Variants in TLCD4 observed in about 807,000 individuals in gnomAD.
TLCD4 encodes the protein TLC domain-containing protein 4.
TLCD4 carries 7 observed loss-of-function variants against 24.2 expected under a neutral mutation model. That is an observed-to-expected ratio of 0.29 (90% CI 0.16 to 0.54). TLCD4 has a LOEUF of 0.54. TLCD4 is among the 20% of genes least tolerant of loss of function. The pLI is 0.95. For missense variants in TLCD4, 259 were observed against 313.9 expected, an observed-to-expected ratio of 0.82 and a Z score of 1.32; for synonymous variants, 103 against 106.4, an observed-to-expected ratio of 0.97 and a Z score of 0.20.
chr1:95,103,626 T>C, the TLCD4 span, among the ~76,000 whole-genome samples: 1 of 152,212 alleles, frequency 6.6e-6, no homozygotes, highest in Non-Finnish European at 1.5e-5. Context: ...TAAAACCACA[T>C]CTAAATTATT....
chr1:95,185,332 C>G (rs1479503407), intron 6 of TLCD4, among the ~76,000 whole-genome samples: 2 of 152,154 alleles, frequency 1.3e-5, no homozygotes, highest in African/African-American at 4.8e-5. Flanking sequence ...AAGATGAGGA[C>G]TCTCCTCTGA....
intron 5 of TLCD4, chr1:95,163,775 C>G (rs963271021): frequency 6.5e-6 from 1 of 152,992 alleles, no homozygotes; most frequent in African/African-American, 2.4e-5. Context: ...CCACTCCAGA[C>G]CTTGTTTGCC....
In TLCD4 at chr1:95,195,372, A is replaced by G. The variant is rs941904756; in HGVS notation, c.*3504A>G. 6.6e-6 allele frequency: 1 copy of G among 152,198 alleles called. No individual in the cohort carries two copies. The highest frequency in any genetic ancestry group is 2.4e-5 in the African/African-American group (1 of 41,462). 9.4% of individuals were successfully genotyped at this position (152,198 alleles called of 1,614,324 possible). ...AAGGGAAATAAACATGTTCCAAAAG[A>G]TGCTGTTAAAATAAATATTTGAACA... is the stretch of plus-strand genomic sequence containing the variant. On this transcript the variant is annotated 3_prime_UTR_variant, in exon 7 of 7. Coordinates refer to ENST00000370203, the MANE Select transcript of TLCD4 (RefSeq NM_152487.3).
At chr1:95,101,410 A>AGTGTGTGT in the TLCD4 span, among the ~76,000 whole-genome samples, 876 of 142,738 alleles carry the variant, frequency 6.1e-3, 6 homozygotes, top group African/African-American at 0.012. Flanking sequence ...GACTAATTAA[A>AGTGTGTGT]GTGTGTGTGT....
At chr1:95,097,378 A>G in the TLCD4 span, among the ~76,000 whole-genome samples, 1 of 152,240 alleles carries the variant, frequency 6.6e-6, no homozygotes, top group South Asian at 2.1e-4. Context: ...CACCATCTAT[A>G]TATAATGACT....
the TLCD4 span, among the ~76,000 whole-genome samples, chr1:95,108,715 C>CT: frequency 6.6e-6 from 1 of 152,202 alleles, no homozygotes; most frequent in African/African-American, 2.4e-5. Context: ...ATAGATTTAA[C>CT]TTTATTTTTT....
intron 1 of TLCD4, among the ~76,000 whole-genome samples, chr1:95,134,105 C>G (rs545077033): frequency 2.0e-5 from 3 of 151,996 alleles, no homozygotes; most frequent in South Asian, 2.1e-4. Flanking sequence ...ATTTTCGAGG[C>G]AGAAAACGAT....
At chr1:95,168,306 C>T (rs148417098) in intron 5 of TLCD4, among the ~76,000 whole-genome samples, 108 of 152,204 alleles carry the variant, frequency 7.1e-4, no homozygotes, top group African/African-American at 2.5e-3. Context: ...TGCAAGTGTG[C>T]TCACTGTCTG....
At chr1:95,107,287 G>A in the TLCD4 span, among the ~76,000 whole-genome samples, 1 of 152,126 alleles carries the variant, frequency 6.6e-6, no homozygotes, top group African/African-American at 2.4e-5. Flanking sequence ...GCCGGGCGTG[G>A]TGGTGGGCGC....
At chr1:95,151,603 G>A (rs1571746983) in intron 5 of TLCD4, among the ~76,000 whole-genome samples, 184 bp downstream of exon 5, 1 of 152,114 alleles carries the variant, frequency 6.6e-6, no homozygotes, top group East Asian at 1.9e-4. Context: ...ATGTGTGTCT[G>A]TGTTGGTGTT....
At chr1:95,154,308 A>G (rs1677571917) in intron 5 of TLCD4, among the ~76,000 whole-genome samples, 2 of 152,190 alleles carry the variant, frequency 1.3e-5, no homozygotes, top group Admixed American at 6.5e-5. Flanking sequence ...GGGGGACAGG[A>G]GGGGAGAAAA....
At chr1:95,099,927 T>C in the TLCD4 span, among the ~76,000 whole-genome samples, 1 of 150,928 alleles carries the variant, frequency 6.6e-6, no homozygotes, top group Non-Finnish European at 1.5e-5. Flanking sequence ...AGTCCAGGAG[T>C]TCGAGACCAG....
intron 5 of TLCD4, among the ~76,000 whole-genome samples, chr1:95,170,520 A>G (rs1015776450): frequency 6.6e-6 from 1 of 151,996 alleles, no homozygotes. Flanking sequence ...TAGTAGAGAC[A>G]GGGTTTCACT....
intron 1 of TLCD4, among the ~76,000 whole-genome samples, chr1:95,127,490 A>T (rs1175208434): frequency 1.3e-5 from 2 of 152,158 alleles, no homozygotes; most frequent in East Asian, 3.9e-4. Context: ...TTTGGGGAAA[A>T]TCATGCTTTG....
intron 5 of TLCD4, among the ~76,000 whole-genome samples, chr1:95,166,218 G>A (rs925729573): frequency 9.9e-5 from 15 of 152,064 alleles, no homozygotes; most frequent in Non-Finnish European, 1.9e-4. Flanking sequence ...GCTTTTGTGG[G>A]TGGGATTTAA....
At chr1:95,180,578 A>G (rs954005189) in intron 6 of TLCD4, among the ~76,000 whole-genome samples, 1 of 152,204 alleles carries the variant, frequency 6.6e-6, no homozygotes, top group Admixed American at 6.5e-5. Flanking sequence ...GAGTGAAAAA[A>G]TACTGAATTA....
At chr1:95,126,191 CT>C (rs1676729639) in intron 1 of TLCD4, among the ~76,000 whole-genome samples, 1 of 151,684 alleles carries the variant, frequency 6.6e-6, no homozygotes, top group Non-Finnish European at 1.5e-5. Context: ...CTTTGGGAGG[CT>C]GAGGTGAGTG....
In TLCD4 at chr1:95,197,185, T is replaced by C. The variant is rs570798090; in HGVS notation, c.*5317T>C. 1 of 152,300 alleles carries C rather than the reference T, an allele frequency of 6.6e-6. No individual in the cohort carries two copies. Among genetic ancestry groups the C allele is most frequent in the East Asian group, 1.9e-4 (1 of 5,188 alleles). 9.4% of individuals were successfully genotyped at this position (152,300 alleles called of 1,614,324 possible). A position where few individuals can be genotyped will look rare whatever the true frequency, so the allele number is the denominator to read the frequency against. On this transcript the variant is annotated 3_prime_UTR_variant, in exon 7 of 7. Transcript: ENST00000370203. The stretch of plus-strand genomic sequence containing the variant: ...TTATTTCCATAAGGCTGAAGAACTT[T>C]TATTTACAAAATGTAAGACTAGATA...
chr1:95,175,447 T>C (rs74392829), intron 6 of TLCD4, among the ~76,000 whole-genome samples: 18,175 of 152,256 alleles, frequency 0.12, 1,071 homozygotes, highest in Middle Eastern at 0.16. Flanking sequence ...TCCATGGACA[T>C]TGAGATTACT....
Sources: allele counts gnomAD v4.1 joint callset (sites outside exome capture counted in the v4.1 genomes callset), GRCh38; gene constraint gnomAD v4.1.1; transcripts MANE v1.5; gene names NCBI Gene and HGNC (gene_info 2026-07-23, HGNC 2026-07-21).